Variants in HK2 observed in about 807,000 individuals in gnomAD.
The protein encoded by HK2 is hexokinase-2.
In HK2, 42 loss-of-function variants were observed where a neutral mutation model predicts 92.9. That is an observed-to-expected ratio of 0.45 (90% CI 0.35 to 0.58). The LOEUF (loss-of-function observed/expected upper bound fraction) is 0.58. HK2 is among the 20% of genes least tolerant of loss of function. The pLI, the probability that HK2 is intolerant of heterozygous loss-of-function variation, is 0.00. For synonymous variants in HK2, 422 were observed against 468.0 expected, an observed-to-expected ratio of 0.90 and a Z score of 1.27; for missense variants, 978 against 1,245.1, an observed-to-expected ratio of 0.79 and a Z score of 3.23.
chr2:74,877,253 G>A lies in HK2; in HGVS notation c.963G>A (p.Gly321=). The A allele has an allele frequency of 1.2e-6, 2 of 1,614,132 alleles. No individual in the cohort carries two copies. The highest frequency in any genetic ancestry group is 1.1e-5 in the South Asian group (1 of 91,086). The change falls in exon 8 of 18, where the codon GGG becomes GGA. Residue 321 remains glycine (G), a synonymous_variant. Transcript: ENST00000290573. ...VKMAKEELLF[G]GKLSPELLNT... is the part of the protein sequence containing the mutation. ...TGGCCAAGGAGGAGCTGCTCTTTGG[G>A]GGGAAGCTCAGCCCAGAGCTTCTCA...
chr2:74,886,184 C>A, intron 13 of HK2, 110 bp from the exon 14 acceptor site: 1 of 839,866 alleles, frequency 1.2e-6, no homozygotes, highest in Non-Finnish European at 2.0e-6. Context: ...AGAGGGTCAG[C>A]CATGGTGTAT....
intron 4 of HK2, among the ~76,000 whole-genome samples, chr2:74,872,920 G>A (rs1266606008): frequency 1.3e-5 from 2 of 152,154 alleles, no homozygotes; most frequent in African/African-American, 4.8e-5. Context: ...TAACTCCTAG[G>A]CCACAAATCT....
chr2:74,865,939 A>G (rs1189429402), intron 2 of HK2, among the ~76,000 whole-genome samples: 2 of 152,048 alleles, frequency 1.3e-5, no homozygotes, highest in Admixed American at 1.3e-4. Flanking sequence ...CAGCAACCCA[A>G]TGAGATGCAA....
intron 1 of HK2, among the ~76,000 whole-genome samples, chr2:74,848,757 A>C (rs769903087): frequency 6.6e-6 from 1 of 152,182 alleles, no homozygotes; most frequent in Non-Finnish European, 1.5e-5. Flanking sequence ...AATTTGATCA[A>C]GGCCAGGTTC....
Position 74,867,759 on chromosome 2 carries a change from ACAT to A in HK2, c.354_356del (p.Ile118del). ...AATCAGATCTATGCCATCCCTGAGG[ACAT>A]CATGCGAGGCAGTGGCACCCAGGTA... On this transcript the variant is annotated inframe_deletion, in exon 3 of 18. Coordinates refer to ENST00000290573, the MANE Select transcript of HK2 (RefSeq NM_000189.5). The A allele has an allele frequency of 6.2e-7, 1 of 1,614,136 alleles. No homozygotes were observed. Among genetic ancestry groups the A allele is most frequent in the Non-Finnish European group, 8.5e-7 (1 of 1,180,014 alleles).
chr2:74,854,527 C>T, intron 2 of HK2, 72 bp downstream of exon 2: 1 of 1,557,168 alleles, frequency 6.4e-7, no homozygotes, highest in African/African-American at 1.4e-5. Context: ...GCTCAGGGAC[C>T]CAAATAACTC....
At chr2:74,863,543 C>G (rs1688880923) in intron 2 of HK2, among the ~76,000 whole-genome samples, 2 of 152,178 alleles carry the variant, frequency 1.3e-5, no homozygotes, top group Non-Finnish European at 2.9e-5. Context: ...TGGTAGTGAT[C>G]ATGGCGATTC....
At chr2:74,855,367 G>A (rs1433480276) in intron 2 of HK2, among the ~76,000 whole-genome samples, 1 of 152,136 alleles carries the variant, frequency 6.6e-6, no homozygotes, top group East Asian at 1.9e-4. Flanking sequence ...CATCTTATTT[G>A]GATACAGAGT....
chr2:74,837,672 C>CTTTTTTTTTTTTTTT (rs894014535), intron 1 of HK2, among the ~76,000 whole-genome samples: 3 of 104,134 alleles, frequency 2.9e-5, no homozygotes, highest in Non-Finnish European at 5.7e-5. Context: ...TTGCCCTTGT[C>CTTTTTTTTTTTTTTT]TTTTTTTTTT....
chr2:74,862,386 C>T (rs2103916612), intron 2 of HK2, among the ~76,000 whole-genome samples: 1 of 152,376 alleles, frequency 6.6e-6, no homozygotes, highest in African/African-American at 2.4e-5. Flanking sequence ...CAACAGTCCT[C>T]TCCGAGGCTT....
Position 74,877,241 on chromosome 2 carries a change from G to T in HK2, c.951G>T (p.Glu317Asp), listed in dbSNP as rs565854734. 1.9e-6 allele frequency: 3 copies of T among 1,614,192 alleles called. No individual in the cohort carries two copies. In the South Asian group the frequency reaches 3.3e-5, roughly 18 times the overall value. The change falls in exon 8 of 18, where the codon GAG (glutamate) becomes GAT (aspartate). Residue 317 changes from glutamate (E) to aspartate (D), a missense_variant. Physicochemically the swap from Glu to Asp is conservative, Grantham distance 45. Coordinates refer to ENST00000290573, the MANE Select transcript of HK2 (RefSeq NM_000189.5). ...TCCTGGTGAAGATGGCCAAGGAGGA[G>T]CTGCTCTTTGGGGGGAAGCTCAGCC... ...RLILVKMAKE[E>D]LLFGGKLSPE...
chr2:74,890,841 A>C lies in HK2; in HGVS notation c.2654A>C (p.Lys885Thr). 2 of 1,614,110 alleles carry C rather than the reference A, an allele frequency of 1.2e-6. No homozygotes were observed. Among genetic ancestry groups the C allele is most frequent in the Non-Finnish European group, 1.7e-6 (2 of 1,180,012 alleles). ...MHETVKDLAP[K>T]CDVSFLQSED... is the part of the protein sequence containing the mutation. The stretch of plus-strand genomic sequence containing the variant: ...GAGACAGTGAAGGACCTGGCTCCGA[A>C]ATGTGATGTGTCTTTCCTGCAGTCA... The change falls in exon 18 of 18, where the codon AAA (lysine) becomes ACA (threonine). Residue 885 changes from lysine to threonine, a missense_variant. This residue lies in a region of HK2 where 742 missense variants were observed against 922.5 expected (regional missense o/e 0.80). Coordinates refer to ENST00000290573, the MANE Select transcript of HK2 (RefSeq NM_000189.5).
At chr2:74,873,470 A>C (rs945256649) in intron 5 of HK2, 99 bp downstream of exon 5, 6 of 784,166 alleles carry the variant, frequency 7.7e-6, no homozygotes, top group Non-Finnish European at 1.3e-5. Flanking sequence ...GCTTACGTGG[A>C]GCTTAAGGAG....
intron 17 of HK2, 100 bp from the exon 18 acceptor site, chr2:74,890,697 G>C (rs1178722229): frequency 1.6e-6 from 2 of 1,258,020 alleles, no homozygotes; most frequent in Non-Finnish European, 2.3e-6. Flanking sequence ...AATTATTTCT[G>C]TGTTTCCAGC....
At chr2:74,874,175 G>T (rs775702831) in intron 6 of HK2, 91 bp from the exon 7 acceptor site, 265 of 1,521,012 alleles carry the variant, frequency 1.7e-4, no homozygotes, top group Middle Eastern at 1.1e-3. Flanking sequence ...AGCCATCCTG[G>T]CCGGGCAGTC....
intron 2 of HK2, among the ~76,000 whole-genome samples, chr2:74,865,083 G>A (rs946869159): frequency 3.3e-5 from 5 of 152,110 alleles, no homozygotes; most frequent in Non-Finnish European, 5.9e-5. Flanking sequence ...CAGGATTGCC[G>A]AGTCACAGTG....
intron 1 of HK2, among the ~76,000 whole-genome samples, chr2:74,849,429 G>T (rs959107668): frequency 1.3e-5 from 2 of 152,222 alleles, no homozygotes; most frequent in Admixed American, 6.5e-5. Flanking sequence ...TGGGCTGGCA[G>T]CTTGGCAGGC....
chr2:74,885,381 CTGG>C (rs990582129), intron 12 of HK2, 110 bp from the exon 13 acceptor site: 104 of 757,708 alleles, frequency 1.4e-4, no homozygotes, highest in African/African-American at 1.4e-3. Flanking sequence ...ATTGGTGACT[CTGG>C]GGGATCCGTC....
intron 2 of HK2, among the ~76,000 whole-genome samples, chr2:74,859,077 T>C (rs1688756427): frequency 6.6e-6 from 1 of 152,236 alleles, no homozygotes; most frequent in Non-Finnish European, 1.5e-5. Context: ...ATTTGTCGTT[T>C]TGCTTCTTTC....
Sources: allele counts gnomAD v4.1 joint callset (sites outside exome capture counted in the v4.1 genomes callset), GRCh38; gene constraint gnomAD v4.1.1; regional missense constraint gnomAD v4.1.1; transcripts MANE v1.5; gene names NCBI Gene and HGNC (gene_info 2026-07-23, HGNC 2026-07-21).